The following MYO3B variants were observed in gnomAD, a reference collection of about 807,000 sequenced individuals.
MYO3B encodes the protein myosin IIIB.
A neutral mutation model predicts 174.6 loss-of-function variants in MYO3B; 156 were observed. The observed-to-expected ratio is 0.89, with a 90% CI of 0.78 to 1.02. The LOEUF (loss-of-function observed/expected upper bound fraction) is 1.02, where lower values mean the gene tolerates loss of function less well. MYO3B is among the 50% of genes least tolerant of loss of function. The pLI is 0.00. For missense variants in MYO3B, 1,632 were observed against 1,639.4 expected (o/e 1.00, Z 0.08); for synonymous variants, 563 against 569.1 (o/e 0.99, Z 0.15).
chr2:170,194,036 G>A (rs922157611), intron 1 of MYO3B, among the ~76,000 whole-genome samples: 1 of 151,964 alleles, frequency 6.6e-6, no homozygotes, highest in South Asian at 2.1e-4. Context: ...CTTCTTATCA[G>A]ACTTTTTACT....
At chr2:170,197,620 A>G (rs2092614884) in intron 1 of MYO3B, among the ~76,000 whole-genome samples, 1 of 152,150 alleles carries the variant, frequency 6.6e-6, no homozygotes, top group Non-Finnish European at 1.5e-5. Context: ...ATTCAGTTTT[A>G]GGGAAAGGAG....
At chr2:170,259,765 A>G (rs1174348455) in intron 7 of MYO3B, among the ~76,000 whole-genome samples, 3 of 152,188 alleles carry the variant, frequency 2.0e-5, no homozygotes, top group Non-Finnish European at 4.4e-5. Flanking sequence ...AAAATAAAAT[A>G]TCAATAAATG....
At chr2:170,624,545 A>G (rs1395054173) in intron 32 of MYO3B, among the ~76,000 whole-genome samples, 1 of 152,150 alleles carries the variant, frequency 6.6e-6, no homozygotes. Context: ...TTCCTAATTG[A>G]GTACCCTTTC....
At chr2:170,274,739 G>A (rs1051938646) in intron 7 of MYO3B, among the ~76,000 whole-genome samples, 2 of 152,058 alleles carry the variant, frequency 1.3e-5, no homozygotes, top group African/African-American at 4.8e-5. Context: ...ATTGAAAAAG[G>A]TGACTTTTAC....
intron 1 of MYO3B, among the ~76,000 whole-genome samples, chr2:170,182,252 T>A (rs2092409770): frequency 6.8e-6 from 1 of 146,810 alleles, no homozygotes; most frequent in Non-Finnish European, 1.5e-5. Context: ...TTTAGCTATA[T>A]TTTTTTAAAA....
chr2:170,522,359 C>T (rs943616560), intron 30 of MYO3B, among the ~76,000 whole-genome samples: 1 of 152,224 alleles, frequency 6.6e-6, no homozygotes, highest in African/African-American at 2.4e-5. Context: ...TAAACACTGT[C>T]TTGTGACCTG....
chr2:170,355,560 A>C lies in MYO3B; in HGVS notation c.816-13662A>C, dbSNP rs2094113920. Among the ~76,000 whole-genome samples, 3 of 152,296 alleles carry C rather than the reference A, an allele frequency of 2.0e-5. No homozygotes were observed. The South Asian group carries it at 6.2e-4, about 32-fold the overall frequency. On this transcript the variant is annotated intron_variant, in intron 8 of 34. Coordinates refer to ENST00000408978, the MANE Select transcript of MYO3B (RefSeq NM_138995.5). ...ATTGTCATCATTTAGGGAGCAAGTC[A>C]GCTGTCCTTTTGTTGCCAACTCCCA...
chr2:170,214,538 C>G (rs1403456174), intron 4 of MYO3B, 55 bp downstream of exon 4: 2 of 1,540,238 alleles, frequency 1.3e-6, no homozygotes, highest in East Asian at 4.5e-5. Context: ...TTGTTCATTG[C>G]TTGGGTCCTT....
At chr2:170,614,767 C>G (rs569559910) in intron 32 of MYO3B, among the ~76,000 whole-genome samples, 3 of 152,280 alleles carry the variant, frequency 2.0e-5, no homozygotes, top group African/African-American at 7.2e-5. Context: ...GGCCACAACT[C>G]CCCTCAGTCC....
In MYO3B at chr2:170,501,797, A is replaced by G. The variant is rs774309520; in HGVS notation, c.3302A>G (p.Tyr1101Cys). Residue 1101 changes from tyrosine to cysteine, a missense_variant, in exon 28 of 35, where the codon TAT (tyrosine) becomes TGT (cysteine). By Grantham distance (194) the Tyr-to-Cys change is radical. Coordinates refer to ENST00000408978, the MANE Select transcript of MYO3B (RefSeq NM_138995.5). ...AIAIQSAWRGYDARRKFKKIS... is the reference protein window; with the variant it reads ...AIAIQSAWRGCDARRKFKKIS... Reference sequence around the variant, plus strand: ...TTTATATTTTTAGCCTGGAGAGGATATGATGCTCGGAGGAAATTTAAGAAA... The same window carrying G: ...TTTATATTTTTAGCCTGGAGAGGATGTGATGCTCGGAGGAAATTTAAGAAA... The G allele has an allele frequency of 1.2e-6, 2 of 1,609,994 alleles. No homozygotes were observed. Among genetic ancestry groups the G allele is most frequent in the Middle Eastern group, 1.7e-4 (1 of 6,048 alleles).
At chr2:170,364,044 G>A (rs915627991) in intron 8 of MYO3B, among the ~76,000 whole-genome samples, 1 of 152,156 alleles carries the variant, frequency 6.6e-6, no homozygotes, top group African/African-American at 2.4e-5. Context: ...TCCCCAGGTT[G>A]AAACACTGTC....
intron 22 of MYO3B, among the ~76,000 whole-genome samples, chr2:170,438,338 AT>A (rs1173348814): frequency 2.0e-5 from 3 of 152,078 alleles, no homozygotes; most frequent in Non-Finnish European, 2.9e-5. Context: ...GTTGATAGGC[AT>A]TTAGTTTGTT....
chr2:170,191,021 T>A (rs1425877045), intron 1 of MYO3B, among the ~76,000 whole-genome samples: 1 of 151,956 alleles, frequency 6.6e-6, no homozygotes, highest in Non-Finnish European at 1.5e-5. Flanking sequence ...GTACCACCGC[T>A]GAATATTCAG....
At chr2:170,461,754 C>T (rs570205573) in intron 23 of MYO3B, among the ~76,000 whole-genome samples, 103 of 141,724 alleles carry the variant, frequency 7.3e-4, no homozygotes, top group Middle Eastern at 3.6e-3. Context: ...CCAGCCTGGG[C>T]AACAAGAGTG....
At chr2:170,486,786 C>A (rs1437256961) in intron 25 of MYO3B, among the ~76,000 whole-genome samples, 1 of 152,142 alleles carries the variant, frequency 6.6e-6, no homozygotes, top group African/African-American at 2.4e-5. Context: ...CTGAAGTAGC[C>A]CATTCCCTGT....
At chr2:170,553,498 A>G (rs555856701) in intron 32 of MYO3B, among the ~76,000 whole-genome samples, 1 of 152,310 alleles carries the variant, frequency 6.6e-6, no homozygotes, top group African/African-American at 2.4e-5. Context: ...TCCTTTTGGA[A>G]TGGGAGCATT....
chr2:170,438,817 T>C (rs1302351965), intron 22 of MYO3B, among the ~76,000 whole-genome samples: 1 of 151,958 alleles, frequency 6.6e-6, no homozygotes, highest in Non-Finnish European at 1.5e-5. Context: ...GTATTTTTAG[T>C]AGAGACAGGG....
intron 32 of MYO3B, among the ~76,000 whole-genome samples, chr2:170,645,887 A>G (rs1031811239): frequency 6.6e-6 from 1 of 152,210 alleles, no homozygotes; most frequent in Admixed American, 6.5e-5. Context: ...CCGCTTTGTC[A>G]GTGACTCAAG....
chr2:170,203,676 T>C (rs553918507), intron 3 of MYO3B, among the ~76,000 whole-genome samples: 15 of 152,256 alleles, frequency 9.9e-5, no homozygotes, highest in African/African-American at 3.6e-4. Context: ...ATGAATTAAG[T>C]TTATCAGGTT....
Sources: allele counts gnomAD v4.1 joint callset (sites outside exome capture counted in the v4.1 genomes callset), GRCh38; gene constraint gnomAD v4.1.1; transcripts MANE v1.5; gene names NCBI Gene and HGNC (gene_info 2026-07-23, HGNC 2026-07-21).